Variants in MARCHF3 observed in about 807,000 individuals in gnomAD.
The protein encoded by MARCHF3 is E3 ubiquitin-protein ligase MARCHF3.
A neutral mutation model predicts 24.2 loss-of-function variants in MARCHF3; 13 were observed. The ratio of observed to expected loss-of-function variants is 0.54; its 90% confidence interval spans 0.35 to 0.85. The LOEUF is 0.85. Among genes scored for constraint, MARCHF3 ranks in the 40% least tolerant of loss-of-function variants. The probability of loss-of-function intolerance (pLI) is 0.01; values close to 1 mark genes in which losing one functional copy is unlikely to be tolerated. For synonymous variants in MARCHF3, 144 were observed against 137.3 expected (o/e 1.05, Z -0.34); for missense variants, 276 against 325.0 (o/e 0.85, Z 1.16).
At chr5:126,898,376 G>C (rs1753997005) in intron 3 of MARCHF3, among the ~76,000 whole-genome samples, 1 of 152,060 alleles carries the variant, frequency 6.6e-6, no homozygotes, top group South Asian at 2.1e-4. Flanking sequence ...TCGTCTAACG[G>C]AGTGATTTTT....
At chr5:126,917,327 A>G (rs1645566844) in intron 2 of MARCHF3, among the ~76,000 whole-genome samples, 1 of 152,208 alleles carries the variant, frequency 6.6e-6, no homozygotes, top group Non-Finnish European at 1.5e-5. Flanking sequence ...TGGTCAGGAT[A>G]AGTGGTCTCC....
intron 1 of MARCHF3, among the ~76,000 whole-genome samples, chr5:126,926,438 C>T (rs1749299070): frequency 6.6e-6 from 1 of 152,150 alleles, no homozygotes; most frequent in South Asian, 2.1e-4. Flanking sequence ...AGCAAGGTCA[C>T]TCAGCTTGCC....
At position 126,870,774 on chromosome 5, in the gene MARCHF3, G is replaced by A; in HGVS notation, c.621C>T (p.His207=). ...LFWTLVSFRY[H]CRLYNEWRRT... is the part of the protein sequence containing the mutation. Reference sequence around the variant, plus strand: ...GACGCCACTCGTTGTACAATCGACAGTGGTACCTAAATGACACCTGGGGAT... The same window carrying A: ...GACGCCACTCGTTGTACAATCGACAATGGTACCTAAATGACACCTGGGGAT... The change falls in exon 5 of 5, where the codon CAC becomes CAT. Residue 207 remains histidine, a synonymous_variant. Coordinates refer to ENST00000308660, the MANE Select transcript of MARCHF3 (RefSeq NM_178450.5). 2 of 1,614,210 alleles carry A rather than the reference G, an allele frequency of 1.2e-6. No individual in the cohort carries two copies. Among genetic ancestry groups the A allele is most frequent in the African/African-American group, 2.7e-5 (2 of 75,060 alleles).
intron 3 of MARCHF3, among the ~76,000 whole-genome samples, chr5:126,881,768 TG>T (rs1332209507): frequency 6.6e-6 from 1 of 152,232 alleles, no homozygotes; most frequent in African/African-American, 2.4e-5. Flanking sequence ...AAACTTTTTT[TG>T]TACATTATTT....
intron 3 of MARCHF3, among the ~76,000 whole-genome samples, chr5:126,894,477 G>C (rs1323760358): frequency 6.6e-6 from 1 of 151,254 alleles, no homozygotes; most frequent in East Asian, 1.9e-4. Flanking sequence ...TTTTAGGGCA[G>C]GCCTGGTGGT....
At position 127,022,164 on chromosome 5, in the gene MARCHF3, G is replaced by A. The variant is rs1274040851; in HGVS notation, c.-57+8186C>T. On this transcript the variant is annotated intron_variant, in intron 1 of 4. Transcript: ENST00000308660. ...ACTGGCAAGGATGGGCAATGTTGGT[G>A]AGAACTAAGGTTTTGTGAGGCTAAT... Among the ~76,000 whole-genome samples the A allele has an allele frequency of 7.2e-5, 11 of 152,342 alleles. No homozygotes were observed. The East Asian group carries it at 1.9e-3, about 27-fold the overall frequency.
intron 1 of MARCHF3, among the ~76,000 whole-genome samples, chr5:127,029,642 G>T (rs1257959729): frequency 6.6e-6 from 1 of 152,144 alleles, no homozygotes; most frequent in Admixed American, 6.5e-5. Flanking sequence ...GACCAGGCTG[G>T]CAATCCCTTT....
intron 3 of MARCHF3, among the ~76,000 whole-genome samples, chr5:126,908,742 T>C (rs559784146): frequency 6.6e-6 from 1 of 150,598 alleles, no homozygotes; most frequent in East Asian, 2.0e-4. Context: ...TTCAAAGTTT[T>C]CAACTTCTTT....
chr5:126,965,822 G>C (rs1403314848), intron 1 of MARCHF3, among the ~76,000 whole-genome samples: 1 of 152,166 alleles, frequency 6.6e-6, no homozygotes, highest in Non-Finnish European at 1.5e-5. Flanking sequence ...AAGGAGTTTG[G>C]CAGTCTCTTA....
chr5:126,915,436 T>C (rs948570560), intron 2 of MARCHF3, among the ~76,000 whole-genome samples: 9 of 152,360 alleles, frequency 5.9e-5, no homozygotes, highest in African/African-American at 2.2e-4. Context: ...TAAATGTAGT[T>C]CATGTCAACT....
At chr5:126,944,317 T>A (rs1350217348) in intron 1 of MARCHF3, among the ~76,000 whole-genome samples, 1 of 152,058 alleles carries the variant, frequency 6.6e-6, no homozygotes, top group African/African-American at 2.4e-5. Flanking sequence ...CTGGCTTTCA[T>A]CTGGGCACGG....
chr5:126,886,432 C>T (rs945845616), intron 3 of MARCHF3, among the ~76,000 whole-genome samples: 1 of 152,174 alleles, frequency 6.6e-6, no homozygotes, highest in African/African-American at 2.4e-5. Context: ...AGTTGCCCCG[C>T]ATTGTGGTTC....
intron 1 of MARCHF3, among the ~76,000 whole-genome samples, chr5:126,974,473 G>C (rs1490303088): frequency 6.6e-6 from 1 of 152,164 alleles, no homozygotes; most frequent in East Asian, 1.9e-4. Context: ...GTTGCTCTCT[G>C]GGTAATCAGA....
intron 1 of MARCHF3, among the ~76,000 whole-genome samples, chr5:126,963,895 C>A (rs1345570574): frequency 6.6e-6 from 1 of 152,138 alleles, no homozygotes; most frequent in East Asian, 1.9e-4. Flanking sequence ...AGAGAACCCA[C>A]CTAAGGGGAA....
intron 3 of MARCHF3, among the ~76,000 whole-genome samples, chr5:126,901,518 CGT>C (rs1332985610): frequency 6.6e-6 from 1 of 152,080 alleles, no homozygotes; most frequent in Admixed American, 6.6e-5. Flanking sequence ...TCTGCTCACT[CGT>C]TTACAACTGA....
intron 1 of MARCHF3, among the ~76,000 whole-genome samples, chr5:127,007,412 T>A (rs1178652841): frequency 6.6e-6 from 1 of 151,934 alleles, no homozygotes; most frequent in East Asian, 1.9e-4. Context: ...TTTATAAAGA[T>A]TCTTATGTAA....
At chr5:126,906,469 C>T (rs1303684697) in intron 3 of MARCHF3, among the ~76,000 whole-genome samples, 2 of 152,174 alleles carry the variant, frequency 1.3e-5, no homozygotes, top group Non-Finnish European at 2.9e-5. Flanking sequence ...CGTTGGTAAG[C>T]TATTGATTAT....
intron 1 of MARCHF3, among the ~76,000 whole-genome samples, chr5:127,006,738 A>C (rs73337292): frequency 6.6e-6 from 1 of 152,188 alleles, no homozygotes; most frequent in Non-Finnish European, 1.5e-5. Context: ...TGTGAGGTAC[A>C]AAAGATTTTC....
intron 3 of MARCHF3, among the ~76,000 whole-genome samples, chr5:126,898,575 C>T (rs1754003147): frequency 6.6e-6 from 1 of 152,030 alleles, no homozygotes; most frequent in African/African-American, 2.4e-5. Flanking sequence ...AAGAGCAAGC[C>T]TTTGGAAGCG....
Sources: gnomAD v4.1 joint callset for allele counts (sites outside exome capture counted in the v4.1 genomes callset) on GRCh38, gnomAD v4.1.1 for gene constraint, MANE v1.5 for transcripts, NCBI Gene and HGNC (gene_info 2026-07-23, HGNC 2026-07-21) for gene names.